LSAMP: variants seen among roughly 807,000 people sequenced by gnomAD.
LSAMP encodes the protein limbic system associated membrane protein.
Under a neutral mutation model 38.6 loss-of-function variants are expected in LSAMP, and 7 were observed. That is an observed-to-expected ratio of 0.18 (90% CI 0.10 to 0.34). LSAMP has a LOEUF of 0.34. Among genes scored for constraint, LSAMP ranks in the 10% least tolerant of loss-of-function variants. The pLI is 1.00. For missense variants in LSAMP, 313 were observed against 420.0 expected (o/e 0.75, Z 2.23); for synonymous variants, 154 against 166.8 (o/e 0.92, Z 0.59).
intron 1 of LSAMP, among the ~76,000 whole-genome samples, chr3:116,260,348 A>G (rs1044966517): frequency 6.6e-6 from 1 of 152,156 alleles, no homozygotes; most frequent in Non-Finnish European, 1.5e-5. Flanking sequence ...TATTAAAATA[A>G]TAATAATTGG....
intron 1 of LSAMP, among the ~76,000 whole-genome samples, chr3:116,163,173 C>A (rs1709940924): frequency 6.6e-6 from 1 of 150,504 alleles, no homozygotes; most frequent in African/African-American, 2.4e-5. Context: ...GTGCTGCACC[C>A]ATTAACTCGT....
At chr3:115,896,014 G>T (rs531136602) in intron 3 of LSAMP, among the ~76,000 whole-genome samples, 72 of 152,138 alleles carry the variant, frequency 4.7e-4, no homozygotes, top group African/African-American at 1.5e-3. Context: ...TGAAACATCT[G>T]CTGGGCTATT....
chr3:116,001,821 G>T (rs928391837), intron 3 of LSAMP, among the ~76,000 whole-genome samples: 3 of 151,976 alleles, frequency 2.0e-5, no homozygotes, highest in Admixed American at 1.3e-4. Flanking sequence ...ATTACATTGG[G>T]CCTATCCAAA....
chr3:116,090,869 G>A (rs1227535734), intron 1 of LSAMP, among the ~76,000 whole-genome samples: 1 of 152,168 alleles, frequency 6.6e-6, no homozygotes, highest in Non-Finnish European at 1.5e-5. Flanking sequence ...GAGGCAGGGC[G>A]AGATCACAGG....
In LSAMP at chr3:116,086,408, C is replaced by T. The variant is rs1707989802; in HGVS notation, c.304G>A (p.Asp102Asn). 1 of 1,613,992 alleles carries T rather than the reference C, an allele frequency of 6.2e-7. No homozygotes were observed. Among genetic ancestry groups the T allele is most frequent in the Admixed American group, 1.7e-5 (1 of 59,998 alleles). ...GTGTAGGAACCCTCATCATAGACAT[C>T]CACCTTCTGGATTCGGAGGCTGTAT... is the stretch of plus-strand genomic sequence containing the variant. The part of the protein sequence containing the change: ...LEYSLRIQKV[D>N]VYDEGSYTCS... Residue 102 changes from aspartate (D) to asparagine (N), a missense_variant, in exon 2 of 7, where the codon GAT (aspartate) becomes AAT (asparagine). Physicochemically the swap from Asp to Asn is conservative, Grantham distance 23 (BLOSUM62 1). Transcript: ENST00000490035.
chr3:116,329,003 T>A (rs183571168), intron 1 of LSAMP, among the ~76,000 whole-genome samples: 2 of 152,136 alleles, frequency 1.3e-5, no homozygotes, highest in African/African-American at 4.8e-5. Flanking sequence ...TTTATAATTA[T>A]AAATAATGTA....
At chr3:116,271,211 T>C (rs1463076681) in intron 1 of LSAMP, among the ~76,000 whole-genome samples, 1 of 152,222 alleles carries the variant, frequency 6.6e-6, no homozygotes, top group East Asian at 1.9e-4. Flanking sequence ...ATACAAGGTA[T>C]CATGCTACCA....
At chr3:116,132,694 C>T (rs1709162231) in intron 1 of LSAMP, among the ~76,000 whole-genome samples, 1 of 152,152 alleles carries the variant, frequency 6.6e-6, no homozygotes, top group African/African-American at 2.4e-5. Context: ...CTCTCTCTTA[C>T]ATCTCATAAT....
chr3:115,834,356 G>A (rs906836280), intron 6 of LSAMP, among the ~76,000 whole-genome samples: 1 of 152,130 alleles, frequency 6.6e-6, no homozygotes, highest in Non-Finnish European at 1.5e-5. Context: ...ATTTGAAGAT[G>A]AGTCAGATAA....
intron 1 of LSAMP, among the ~76,000 whole-genome samples, chr3:116,224,003 G>A (rs117735131): frequency 6.6e-6 from 1 of 151,208 alleles, no homozygotes; most frequent in African/African-American, 2.4e-5. Flanking sequence ...TCTTTCTAAT[G>A]AACTTTCTTA....
intron 1 of LSAMP, among the ~76,000 whole-genome samples, chr3:116,239,273 T>A (rs1191849564): frequency 6.6e-6 from 1 of 152,184 alleles, no homozygotes; most frequent in Non-Finnish European, 1.5e-5. Context: ...CACACAGCCA[T>A]ATGTCTCTGT....
chr3:115,880,085 A>G (rs1284886837), intron 3 of LSAMP, among the ~76,000 whole-genome samples: 12 of 152,118 alleles, frequency 7.9e-5, no homozygotes, highest in Admixed American at 5.9e-4. Flanking sequence ...CCAAGGACAA[A>G]CTCTAATGCC....
intron 4 of LSAMP, among the ~76,000 whole-genome samples, chr3:115,845,246 G>T (rs1383963644): frequency 1.3e-5 from 2 of 152,172 alleles, no homozygotes; most frequent in East Asian, 3.9e-4. Context: ...ACTGTATTGT[G>T]TTCTTAAGCT....
intron 2 of LSAMP, among the ~76,000 whole-genome samples, chr3:116,058,462 A>G (rs374796629): frequency 1.1e-4 from 6 of 53,336 alleles, no homozygotes; most frequent in East Asian, 4.2e-4. Context: ...TAAAATTTTG[A>G]AAAAAAAAAA....
At chr3:116,149,598 A>G (rs1709564765) in intron 1 of LSAMP, among the ~76,000 whole-genome samples, 2 of 131,740 alleles carry the variant, frequency 1.5e-5, no homozygotes, top group Admixed American at 1.7e-4. Flanking sequence ...TAAAAATTCT[A>G]CTTAGTTGTT....
At chr3:116,173,393 A>G (rs554124835) in intron 1 of LSAMP, among the ~76,000 whole-genome samples, 1 of 152,178 alleles carries the variant, frequency 6.6e-6, no homozygotes, top group African/African-American at 2.4e-5. Flanking sequence ...ATGGCTGAAC[A>G]CTGACCAACT....
At chr3:116,246,442 GT>G (rs1356089145) in intron 1 of LSAMP, among the ~76,000 whole-genome samples, 39 of 152,248 alleles carry the variant, frequency 2.6e-4, no homozygotes, top group African/African-American at 9.4e-4. Flanking sequence ...TTAAATACAT[GT>G]GATTTAAAAT....
In LSAMP at chr3:116,337,382, C is replaced by G. The variant is rs983522397; in HGVS notation, c.155+107495G>C. 2.6e-5 allele frequency among the ~76,000 whole-genome samples: 4 copies of G among 151,874 alleles called. No individual in the cohort carries two copies. The South Asian group carries it at 6.2e-4, about 24-fold the overall frequency. On this transcript the variant is annotated intron_variant, in intron 1 of 6. Transcript: ENST00000490035. ...AATAATACATAATTTGATATCTGTT[C>G]GAACCCTACATTGATTAGAATGTTA...
intron 1 of LSAMP, among the ~76,000 whole-genome samples, chr3:116,286,541 C>T (rs1226640271): frequency 1.3e-5 from 2 of 152,096 alleles, no homozygotes; most frequent in African/African-American, 4.8e-5. Flanking sequence ...TCAGATGAGG[C>T]TTCTATGGTT....
Sources: allele counts gnomAD v4.1 joint callset (sites outside exome capture counted in the v4.1 genomes callset), GRCh38; gene constraint gnomAD v4.1.1; transcripts MANE v1.5; gene names NCBI Gene and HGNC (gene_info 2026-07-23, HGNC 2026-07-21).